Variants in PPP2R5E observed in about 807,000 individuals in gnomAD.
PPP2R5E encodes the protein protein phosphatase 2 regulatory subunit B'epsilon.
A neutral mutation model predicts 65.3 loss-of-function variants in PPP2R5E; 4 were observed. The observed-to-expected ratio is 0.06, with a 90% CI of 0.03 to 0.14. PPP2R5E has a LOEUF of 0.14. Ranked by LOEUF, PPP2R5E falls within the 10% of genes least tolerant of loss-of-function variation. PPP2R5E has a pLI of 1.00. For missense variants in PPP2R5E, 274 were observed against 556.1 expected, an observed-to-expected ratio of 0.49 and a Z score of 5.10; for synonymous variants, 183 against 187.4, an observed-to-expected ratio of 0.98 and a Z score of 0.19.
At chr14:63,539,353 T>C (rs1227673986) in intron 2 of PPP2R5E, among the ~76,000 whole-genome samples, 176 bp downstream of exon 2, 1 of 152,214 alleles carries the variant, frequency 6.6e-6, no homozygotes, top group East Asian at 1.9e-4. Context: ...ACAGACTAAA[T>C]TGAGCCTTTA....
chr14:63,493,716 T>C (rs1891403512), intron 2 of PPP2R5E, among the ~76,000 whole-genome samples: 1 of 152,060 alleles, frequency 6.6e-6, no homozygotes, highest in African/African-American at 2.4e-5. Context: ...AGGATAACAA[T>C]ATAATGAAGT....
At chr14:63,426,889 C>T (rs1199779981) in intron 3 of PPP2R5E, among the ~76,000 whole-genome samples, 2 of 152,052 alleles carry the variant, frequency 1.3e-5, no homozygotes, top group Non-Finnish European at 2.9e-5. Flanking sequence ...AGCGGGGAGG[C>T]GTGTCTCTAA....
At chr14:63,531,129 T>C (rs1207152511) in intron 2 of PPP2R5E, among the ~76,000 whole-genome samples, 1 of 152,130 alleles carries the variant, frequency 6.6e-6, no homozygotes, top group Non-Finnish European at 1.5e-5. Flanking sequence ...GATAGCGCCA[T>C]TGCGCTCCAG....
intron 6 of PPP2R5E, among the ~76,000 whole-genome samples, 164 bp downstream of exon 6, chr14:63,396,422 G>A (rs568914309): frequency 7.3e-6 from 1 of 136,530 alleles, no homozygotes; most frequent in South Asian, 2.7e-4. Flanking sequence ...GAGAGGAGGG[G>A]GAGGGGGTAG....
chr14:63,401,552 T>C (rs1159517225), intron 5 of PPP2R5E, among the ~76,000 whole-genome samples: 1 of 152,152 alleles, frequency 6.6e-6, no homozygotes, highest in East Asian at 1.9e-4. Flanking sequence ...AAATAACCTT[T>C]CTTTGAACTT....
intron 3 of PPP2R5E, chr14:63,452,382 T>C (rs1024743665): frequency 6.6e-6 from 1 of 152,216 alleles, no homozygotes; most frequent in African/African-American, 2.4e-5. Flanking sequence ...TAATTCTTTA[T>C]TGTGGGGGCC....
intron 2 of PPP2R5E, among the ~76,000 whole-genome samples, chr14:63,484,049 A>G (rs1890849192): frequency 6.7e-6 from 1 of 149,976 alleles, no homozygotes; most frequent in Non-Finnish European, 1.5e-5. Flanking sequence ...ACACCACTGC[A>G]CTCCAGCCTG....
intron 7 of PPP2R5E, 55 bp downstream of exon 7, chr14:63,395,171 C>G: frequency 6.7e-7 from 1 of 1,484,990 alleles, no homozygotes; most frequent in Non-Finnish European, 9.4e-7. Flanking sequence ...CCACCTGAAC[C>G]TAATTTTTAA....
chr14:63,491,080 C>T (rs1442731235), intron 2 of PPP2R5E, among the ~76,000 whole-genome samples: 2 of 151,946 alleles, frequency 1.3e-5, no homozygotes, highest in African/African-American at 4.8e-5. Flanking sequence ...TCCTTTGCAA[C>T]GTGAATACAG....
At chr14:63,433,570 T>C (rs935422759) in intron 3 of PPP2R5E, among the ~76,000 whole-genome samples, 2 of 152,134 alleles carry the variant, frequency 1.3e-5, no homozygotes, top group East Asian at 1.9e-4. Context: ...TGAGTGGGTT[T>C]AGTCTCAATT....
chr14:63,462,073 A>AC (rs1566720028), intron 2 of PPP2R5E, among the ~76,000 whole-genome samples: 2 of 144,660 alleles, frequency 1.4e-5, no homozygotes. Flanking sequence ...TTTCAACTGT[A>AC]TTTTTTTTTT....
chr14:63,409,061 G>A (rs34172617), intron 5 of PPP2R5E, among the ~76,000 whole-genome samples: 2,079 of 152,088 alleles, frequency 0.014, 49 homozygotes, highest in East Asian at 0.08. Flanking sequence ...GAGAAACCCC[G>A]TTACTACTAA....
chr14:63,541,171 A>G (rs1478074984), intron 1 of PPP2R5E, among the ~76,000 whole-genome samples: 1 of 152,238 alleles, frequency 6.6e-6, no homozygotes, highest in Non-Finnish European at 1.5e-5. Context: ...AAATGAGGAC[A>G]GGCTAGATTA....
chr14:63,393,941 A>C lies in PPP2R5E; in HGVS notation c.741-13T>G. 1 of 1,476,154 alleles carries C rather than the reference A, an allele frequency of 6.8e-7. No homozygotes were observed. The highest frequency in any genetic ancestry group is 9.5e-7 in the Non-Finnish European group (1 of 1,056,886). 91.4% of individuals were successfully genotyped at this position (1,476,154 alleles called of 1,614,324 possible). A position where few individuals can be genotyped will look rare whatever the true frequency, so the allele number is the denominator to read the frequency against. On this transcript the variant is annotated splice_polypyrimidine_tract_variant and intron_variant, in intron 7 of 13. Coordinates refer to ENST00000337537, the MANE Select transcript of PPP2R5E (RefSeq NM_006246.5). ...GCCATTGATAATACTAGGGAGAAAA[A>C]AGAGACACAAATTAGCAATGTTACC... is the stretch of plus-strand genomic sequence containing the variant.
intron 3 of PPP2R5E, among the ~76,000 whole-genome samples, chr14:63,429,504 C>T (rs1377759943): frequency 6.6e-6 from 1 of 152,170 alleles, no homozygotes; most frequent in Non-Finnish European, 1.5e-5. Context: ...ATGCAAGTAA[C>T]AATTTCAATG....
chr14:63,379,534 A>C (rs1884190796), intron 13 of PPP2R5E, among the ~76,000 whole-genome samples: 1 of 152,242 alleles, frequency 6.6e-6, no homozygotes. Flanking sequence ...GGCCTCCCAA[A>C]GTGCTGCGAT....
In PPP2R5E at chr14:63,542,885, G is replaced by T; in HGVS notation, c.-114C>A. 1 of 153,970 alleles carries T rather than the reference G, an allele frequency of 6.5e-6. No individual in the cohort carries two copies. The highest frequency in any genetic ancestry group is 1.9e-4 in the South Asian group (1 of 5,288). The allele number at this position is 153,970 out of a possible 1,614,324, so 9.5% of individuals were successfully genotyped here. On this transcript the variant is annotated 5_prime_UTR_variant, in exon 1 of 14. Coordinates refer to ENST00000337537, the MANE Select transcript of PPP2R5E (RefSeq NM_006246.5). Reference sequence around the variant, plus strand: ...GGGCGGCGGGACCGGGACGTGCAGGGGGAGGTCCGGGCAGCTGCGGGGAGC... The same window carrying T: ...GGGCGGCGGGACCGGGACGTGCAGGTGGAGGTCCGGGCAGCTGCGGGGAGC...
chr14:63,510,583 A>G (rs756946214), intron 2 of PPP2R5E, among the ~76,000 whole-genome samples: 12 of 152,240 alleles, frequency 7.9e-5, no homozygotes, highest in Admixed American at 2.0e-4. Context: ...AGAAGTAAAG[A>G]AAGGAGACAC....
chr14:63,417,351 C>T (rs983820690), intron 4 of PPP2R5E, among the ~76,000 whole-genome samples: 2 of 152,130 alleles, frequency 1.3e-5, no homozygotes, highest in African/African-American at 4.8e-5. Flanking sequence ...CATTAATGCT[C>T]TAATTTTGTC....
Sources: allele counts gnomAD v4.1 joint callset (sites outside exome capture counted in the v4.1 genomes callset), GRCh38; gene constraint gnomAD v4.1.1; transcripts MANE v1.5; gene names NCBI Gene and HGNC (gene_info 2026-07-23, HGNC 2026-07-21).